Variants in PPP6C observed in about 807,000 individuals in gnomAD.
PPP6C encodes the protein protein phosphatase 6 catalytic subunit.
A neutral mutation model predicts 39.8 loss-of-function variants in PPP6C; 11 were observed. The observed-to-expected ratio is 0.28, with a 90% confidence interval of 0.17 to 0.46. The LOEUF is 0.46. Ranked by LOEUF, PPP6C falls within the 20% of genes least tolerant of loss-of-function variation. The pLI is 1.00. For missense variants in PPP6C, 211 were observed against 373.9 expected (o/e 0.56, Z 3.59); for synonymous variants, 129 against 130.3 (o/e 0.99, Z 0.07).
chr9:125,179,656 T>TC lies in PPP6C; in HGVS notation c.76-8477_76-8476insG, dbSNP rs923927122. ...ATCCAGCTTTCCTTTTCTCTCTCTC[T>TC]TTTTTTTTTTTTTTTTGGAAACAAA... is the stretch of plus-strand genomic sequence containing the variant. On this transcript the variant is annotated intron_variant, in intron 1 of 6. Transcript: ENST00000373547. Among the ~76,000 whole-genome samples, 17 of 69,480 alleles carry TC rather than the reference T, an allele frequency of 2.4e-4. No individual in the cohort carries two copies. The East Asian group carries it at 2.7e-3, about 11-fold the overall frequency. The allele number at this position is 69,480 out of a possible 152,430, so 45.6% of individuals were successfully genotyped here.
At chr9:125,153,157 C>T (rs964217286) in intron 6 of PPP6C, among the ~76,000 whole-genome samples, 4 of 151,950 alleles carry the variant, frequency 2.6e-5, no homozygotes, top group African/African-American at 9.7e-5. Context: ...CCTGTGGTCC[C>T]AGCTACTCAG....
chr9:125,186,142 G>A (rs2131346175), intron 1 of PPP6C, among the ~76,000 whole-genome samples: 1 of 152,044 alleles, frequency 6.6e-6, no homozygotes, highest in South Asian at 2.1e-4. Flanking sequence ...CTTTTCTACA[G>A]AACAAATCTT....
rs1203274247 is a variant in PPP6C, at chr9:125,148,073, G to A, written c.*1600C>T. The A allele has an allele frequency of 1.1e-5, 2 of 185,932 alleles. No homozygotes were observed. The highest frequency in any genetic ancestry group is 4.8e-5 in the African/African-American group (2 of 41,486). 11.5% of individuals were successfully genotyped at this position (185,932 alleles called of 1,614,324 possible). The stretch of plus-strand genomic sequence containing the variant: ...CTATGTAAGGAGCTGGGTGGTTTGA[G>A]GGAAAAAAATTAAATCAAAACAGTA... On this transcript the variant is annotated 3_prime_UTR_variant, in exon 7 of 7. Coordinates refer to ENST00000373547, the MANE Select transcript of PPP6C (RefSeq NM_002721.5).
At chr9:125,188,329 G>A (rs1176433689) in intron 1 of PPP6C, among the ~76,000 whole-genome samples, 5 of 152,098 alleles carry the variant, frequency 3.3e-5, no homozygotes, top group African/African-American at 1.2e-4. Context: ...AGGTTGCAGT[G>A]AGCCGAGATG....
chr9:125,161,748 T>C (rs931841012), intron 2 of PPP6C, among the ~76,000 whole-genome samples: 5 of 152,220 alleles, frequency 3.3e-5, no homozygotes, highest in Non-Finnish European at 7.3e-5. Context: ...TTTCATCATA[T>C]TTCTATTTAC....
chr9:125,149,477 A>G lies in PPP6C; in HGVS notation c.*196T>C, dbSNP rs1034182460. The G allele has an allele frequency of 4.8e-6, 3 of 630,322 alleles. No individual in the cohort carries two copies. Among genetic ancestry groups the G allele is most frequent in the Non-Finnish European group, 7.6e-6 (3 of 394,362 alleles). 39.0% of individuals were successfully genotyped at this position (630,322 alleles called of 1,614,324 possible). On this transcript the variant is annotated 3_prime_UTR_variant, in exon 7 of 7. Coordinates refer to ENST00000373547, the MANE Select transcript of PPP6C (RefSeq NM_002721.5). Reference sequence around the variant, plus strand: ...GTCCAGGGTGGGGATGGGATGGGGGAAAATTGATAGAAAAACTTTGCTATA... The same window carrying G: ...GTCCAGGGTGGGGATGGGATGGGGGGAAATTGATAGAAAAACTTTGCTATA...
rs1564152143 is a variant in PPP6C at position 125,167,399 on chromosome 9, AGAAAT to A, written c.171+3681_171+3685del. Among the ~76,000 whole-genome samples, 205 of 136,096 alleles carry A rather than the reference AGAAAT, an allele frequency of 1.5e-3. 15 individuals carry two copies. Among genetic ancestry groups the A allele is most frequent in the East Asian group, 4.2e-3 (18 of 4,312 alleles). 89.3% of individuals were successfully genotyped at this position (136,096 alleles called of 152,430 possible). ...CTGTCCAAAAAAAAAAAAAAAAAAA[AGAAAT>A]AAAAAAAAGGCCGGGCATGGTGACT... is the stretch of plus-strand genomic sequence containing the variant. On this transcript the variant is annotated intron_variant, in intron 2 of 6. Coordinates refer to ENST00000373547, the MANE Select transcript of PPP6C (RefSeq NM_002721.5).
chr9:125,173,520 G>A (rs569154789), intron 1 of PPP6C, among the ~76,000 whole-genome samples: 4 of 151,358 alleles, frequency 2.6e-5, no homozygotes, highest in East Asian at 2.0e-4. Flanking sequence ...AGAGGTTGCC[G>A]AAAACCGAGG....
chr9:125,158,591 G>C (rs1836137437), intron 3 of PPP6C, among the ~76,000 whole-genome samples: 1 of 151,730 alleles, frequency 6.6e-6, no homozygotes, highest in Non-Finnish European at 1.5e-5. Flanking sequence ...TTTGATTCCA[G>C]GGAAATCTAC....
chr9:125,166,762 G>A (rs1347921126), intron 2 of PPP6C, among the ~76,000 whole-genome samples: 1 of 151,980 alleles, frequency 6.6e-6, no homozygotes, highest in East Asian at 1.9e-4. Context: ...TTGAACTCCC[G>A]ACCTCAGGTG....
chr9:125,186,938 C>T (rs377286744), intron 1 of PPP6C, among the ~76,000 whole-genome samples: 29 of 83,672 alleles, frequency 3.5e-4, no homozygotes, highest in South Asian at 4.5e-4. Flanking sequence ...ATTTTTCTTT[C>T]TTTTTTTTTT....
intron 1 of PPP6C, among the ~76,000 whole-genome samples, chr9:125,173,913 G>C (rs978272614): frequency 2.6e-5 from 4 of 152,086 alleles, no homozygotes; most frequent in Admixed American, 6.5e-5. Flanking sequence ...ACCGCACCCA[G>C]CCAAGCCATT....
At chr9:125,188,838 G>A (rs1829592649) in intron 1 of PPP6C, 1 of 661,646 alleles carries the variant, frequency 1.5e-6, no homozygotes. Context: ...TTTTAAAAAA[G>A]AAAAGCAGTA....
intron 2 of PPP6C, among the ~76,000 whole-genome samples, chr9:125,170,683 G>T (rs184321749): frequency 5.3e-5 from 8 of 152,246 alleles, no homozygotes; most frequent in Admixed American, 2.0e-4. Flanking sequence ...CTAAAGAAAT[G>T]ATAAATTTTC....
intron 1 of PPP6C, among the ~76,000 whole-genome samples, chr9:125,183,027 T>C (rs529600001): frequency 2.2e-4 from 34 of 152,246 alleles, no homozygotes; most frequent in African/African-American, 7.9e-4. Context: ...TCAAACTCAA[T>C]ATGGCCCAAA....
At chr9:125,156,417 G>T (rs1836077142) in intron 4 of PPP6C, among the ~76,000 whole-genome samples, 1 of 152,024 alleles carries the variant, frequency 6.6e-6, no homozygotes, top group Admixed American at 6.6e-5. Context: ...GGGACTACAG[G>T]CAAGTGCCAC....
intron 4 of PPP6C, among the ~76,000 whole-genome samples, chr9:125,155,660 T>C (rs2131302476): frequency 1.3e-5 from 2 of 152,288 alleles, no homozygotes; most frequent in Middle Eastern, 6.8e-3. Flanking sequence ...TCCCAGCACT[T>C]TGGGAGGCCG....
intron 6 of PPP6C, 74 bp downstream of exon 6, chr9:125,153,459 T>A: frequency 1.4e-6 from 2 of 1,405,826 alleles, no homozygotes; most frequent in Admixed American, 2.0e-5. Context: ...AAGTTTGTTA[T>A]CTAGGGCCAC....
chr9:125,181,872 C>T (rs958739003), intron 1 of PPP6C, among the ~76,000 whole-genome samples: 3 of 152,208 alleles, frequency 2.0e-5, no homozygotes, highest in African/African-American at 7.2e-5. Flanking sequence ...CTTGAGGAAT[C>T]GCTACACTGT....
Sources: gnomAD v4.1 joint callset for allele counts (sites outside exome capture counted in the v4.1 genomes callset) on GRCh38, gnomAD v4.1.1 for gene constraint, MANE v1.5 for transcripts, NCBI Gene and HGNC (gene_info 2026-07-23, HGNC 2026-07-21) for gene names.